TFEB: variants seen among roughly 807,000 people sequenced by gnomAD.
The protein encoded by TFEB is T-cell transcription factor EB.
Under a neutral mutation model 48.0 loss-of-function variants are expected in TFEB, and 12 were observed. That is an observed-to-expected ratio of 0.25 (90% CI 0.16 to 0.40). The LOEUF (loss-of-function observed/expected upper bound fraction) is 0.40. TFEB is among the 10% of genes least tolerant of loss of function. The probability of loss-of-function intolerance (pLI) is 1.00; values close to 1 mark genes in which losing one functional copy is unlikely to be tolerated. For missense variants in TFEB, 509 were observed against 640.3 expected (o/e 0.79, Z 2.21); for synonymous variants, 244 against 261.4 (o/e 0.93, Z 0.64).
chr6:41,687,987 G>T lies in TFEB; in HGVS notation c.591C>A (p.Asp197Glu), dbSNP rs948054939. 1.8e-5 allele frequency: 29 copies of T among 1,613,920 alleles called. No individual in the cohort carries two copies. The highest frequency in any genetic ancestry group is 1.7e-4 in the Middle Eastern group (1 of 5,950). ...CCACCAGGGAGGCTGTGACCTGGGG[G>T]TCGCTGCTGTACACATTCAGGTGGC... ...SSSHLNVYSS[D>E]PQVTASLVGV... The change falls in exon 5 of 9, where the codon GAC (aspartate) becomes GAA (glutamate). Residue 197 changes from aspartate (D) to glutamate (E), a missense_variant. Around this residue, in one of 4 missense-constraint regions of TFEB, gnomAD observed 251 missense variants for 317.2 expected, o/e 0.79. Transcript: ENST00000373033.
At chr6:41,705,089 C>CA (rs1267781642) in intron 1 of TFEB, among the ~76,000 whole-genome samples, 1 of 152,256 alleles carries the variant, frequency 6.6e-6, no homozygotes, top group African/African-American at 2.4e-5. Flanking sequence ...CACCAGTACA[C>CA]ACACACTGCA....
At chr6:41,716,052 G>A (rs772243583) in intron 1 of TFEB, among the ~76,000 whole-genome samples, 29 of 152,316 alleles carry the variant, frequency 1.9e-4, no homozygotes, top group Non-Finnish European at 3.2e-4. Flanking sequence ...CAGTAATATA[G>A]CACTACCACT....
chr6:41,719,253 G>A lies in TFEB; in HGVS notation c.-23+16097C>T, dbSNP rs117106592. On this transcript the variant is annotated intron_variant, in intron 1 of 8. Coordinates refer to ENST00000373033, the MANE Select transcript of TFEB (RefSeq NM_001271944.2). Reference sequence around the variant, plus strand: ...CTAGTGGCAGGAAAACAAGCTCAGGGCTCCCACCAATTGTACATTATGGTG... The same window carrying A: ...CTAGTGGCAGGAAAACAAGCTCAGGACTCCCACCAATTGTACATTATGGTG... Among the ~76,000 whole-genome samples, 187 of 152,208 alleles carry A rather than the reference G, an allele frequency of 1.2e-3. 1 individual carries two copies. The East Asian group carries it at 0.033, about 27-fold the overall frequency.
intron 4 of TFEB, 115 bp downstream of exon 4, chr6:41,689,616 C>T: frequency 1.3e-6 from 1 of 754,768 alleles, no homozygotes; most frequent in Non-Finnish European, 2.2e-6. Flanking sequence ...TCTACAGAAA[C>T]ATGCCAGCTC....
intron 3 of TFEB, among the ~76,000 whole-genome samples, chr6:41,690,358 G>A (rs546679979): frequency 1.3e-5 from 2 of 152,194 alleles, no homozygotes; most frequent in South Asian, 2.1e-4. Flanking sequence ...TCAAACTCCT[G>A]ACCTCAAGTG....
intron 3 of TFEB, 75 bp from the exon 4 acceptor site, chr6:41,689,886 C>A: frequency 8.1e-7 from 1 of 1,229,856 alleles, no homozygotes; most frequent in Non-Finnish European, 1.2e-6. Context: ...GGGACAACCA[C>A]TGACCTGGAG....
At chr6:41,712,154 C>T (rs1023504229) in intron 1 of TFEB, among the ~76,000 whole-genome samples, 4 of 152,160 alleles carry the variant, frequency 2.6e-5, no homozygotes, top group African/African-American at 7.2e-5. Flanking sequence ...GCTCTGGAAA[C>T]CTGCTCTGCC....
rs7773885 is a variant in TFEB at position 41,714,719 on chromosome 6, G to A, written c.-23+20631C>T. On this transcript the variant is annotated intron_variant, in intron 1 of 8. Transcript: ENST00000373033. ...GAGGGTGCGGGGAGACTGGGGCAGCGCTGGAAGCTCTACCCTTGAGTGGCG... is the reference window on the plus strand; with the variant it reads ...GAGGGTGCGGGGAGACTGGGGCAGCACTGGAAGCTCTACCCTTGAGTGGCG... Among the ~76,000 whole-genome samples, 881 of 152,290 alleles carry A rather than the reference G, an allele frequency of 5.8e-3. 4 individuals are homozygous for A. The highest frequency in any genetic ancestry group is 0.018 in the African/African-American group (734 of 41,558).
chr6:41,705,192 G>A (rs922770708), intron 1 of TFEB, among the ~76,000 whole-genome samples: 9 of 152,186 alleles, frequency 5.9e-5, no homozygotes, highest in African/African-American at 2.2e-4. Flanking sequence ...CTCCGCAGGA[G>A]GCCTGGGAGT....
rs1355580154 is a variant in TFEB at position 41,684,894 on chromosome 6, G to A, written c.1136C>T (p.Ala379Val). 1.9e-6 allele frequency: 3 copies of A among 1,569,356 alleles called. No individual in the cohort carries two copies. The highest frequency in any genetic ancestry group is 1.8e-5 in the Admixed American group (1 of 55,496). ...TGGCTGGGTGGGCAGGGGCAGCGGG[G>A]CTTGCGGGGGCAGAGCTGGCAGTGG... ...PEPLPALPPQ[A>V]PLPLPTQPPS... The change falls in exon 9 of 9, where the codon GCC becomes GTC. Residue 379 changes from alanine to valine, a missense_variant. Physicochemically the swap from Ala to Val is moderately conservative, Grantham distance 64 (BLOSUM62 0). This residue lies in a region of TFEB where 168 missense variants were observed against 161.0 expected (regional missense o/e 1.04). Coordinates refer to ENST00000373033, the MANE Select transcript of TFEB (RefSeq NM_001271944.2).
At position 41,684,723 on chromosome 6, in the gene TFEB, A is replaced by G. The variant is rs1317959655; in HGVS notation, c.1307T>C (p.Met436Thr). The G allele has an allele frequency of 6.2e-7, 1 of 1,613,814 alleles. No homozygotes were observed. Among genetic ancestry groups the G allele is most frequent in the Admixed American group, 1.7e-5 (1 of 60,004 alleles). ...CGGTAGCAGTGAGTCGTCCAGGAGCATGAGGTCCAGATCCTTCTTGGACAG... is the reference window on the plus strand; with the variant it reads ...CGGTAGCAGTGAGTCGTCCAGGAGCGTGAGGTCCAGATCCTTCTTGGACAG... ...PSLSKKDLDLMLLDDSLLPLA... is the reference protein window; with the variant it reads ...PSLSKKDLDLTLLDDSLLPLA... The change falls in exon 9 of 9, where the codon ATG (methionine) becomes ACG (threonine). Residue 436 changes from methionine to threonine, a missense_variant. This residue lies in a region of TFEB where 168 missense variants were observed against 161.0 expected (regional missense o/e 1.04). Coordinates refer to ENST00000373033, the MANE Select transcript of TFEB (RefSeq NM_001271944.2).
intron 1 of TFEB, among the ~76,000 whole-genome samples, chr6:41,732,243 TGAA>T (rs2127279578): frequency 6.6e-6 from 1 of 152,260 alleles, no homozygotes; most frequent in South Asian, 2.1e-4. Flanking sequence ...GGAAACCCCT[TGAA>T]GAAGTGGTCT....
In TFEB at chr6:41,730,764, G is replaced by C. The variant is rs73733010; in HGVS notation, c.-23+4586C>G. On this transcript the variant is annotated intron_variant, in intron 1 of 8. Transcript: ENST00000373033. This position sits in a 1 kb window ranked among gnomAD's most constrained non-coding sequence, Gnocchi z 4.1. ...GTATCTCTGGTGCAGTGTGGAGGAG[G>C]GACAGATGATAGGAGAGCAGGGGAC... Among the ~76,000 whole-genome samples, 4,666 of 152,308 alleles carry C rather than the reference G, an allele frequency of 0.031. 245 individuals are homozygous for C. The highest frequency in any genetic ancestry group is 0.11 in the African/African-American group (4,366 of 41,552).
At chr6:41,736,059 G>T, upstream of TFEB, 1 of 1,556,520 alleles carries the variant, frequency 6.4e-7, no homozygotes, top group Non-Finnish European at 8.9e-7. Context: ...GGCAAGGCCA[G>T]GGTGAGCCTG....
chr6:41,687,015 C>G, intron 7 of TFEB, 79 bp downstream of exon 7: 1 of 1,196,250 alleles, frequency 8.4e-7, no homozygotes, highest in Non-Finnish European at 1.2e-6. Context: ...TAGTAACTAG[C>G]ATGGGGCTGA....
At chr6:41,706,759 C>T (rs1275223308) in intron 1 of TFEB, among the ~76,000 whole-genome samples, 3 of 151,906 alleles carry the variant, frequency 2.0e-5, no homozygotes, top group African/African-American at 4.8e-5. Flanking sequence ...TCCAACAGCC[C>T]ACCAAGTCAC....
chr6:41,733,893 A>T, intron 1 of TFEB: 1 of 985,492 alleles, frequency 1.0e-6, no homozygotes, highest in African/African-American at 1.7e-5. Context: ...CTCCAACCTC[A>T]TCCCCAGCTG....
At chr6:41,705,143 C>T (rs1012932991) in intron 1 of TFEB, among the ~76,000 whole-genome samples, 2 of 152,208 alleles carry the variant, frequency 1.3e-5, no homozygotes, top group Admixed American at 1.3e-4. Flanking sequence ...CAGAAGAGAG[C>T]AGACAACCTT....
chr6:41,702,299 C>T (rs1012814004), intron 1 of TFEB, among the ~76,000 whole-genome samples: 1 of 152,170 alleles, frequency 6.6e-6, no homozygotes, highest in Non-Finnish European at 1.5e-5. Context: ...ATCTGAATCT[C>T]GCTGAGACGG....
Sources: allele counts gnomAD v4.1 joint callset (sites outside exome capture counted in the v4.1 genomes callset), GRCh38; gene constraint gnomAD v4.1.1; regional missense constraint gnomAD v4.1.1; non-coding constraint Gnocchi (gnomAD v3.1); transcripts MANE v1.5; gene names NCBI Gene and HGNC (gene_info 2026-07-23, HGNC 2026-07-21).